Variants in SH3RF3 observed in about 807,000 individuals in gnomAD.
SH3RF3 encodes the protein SH3 domain containing ring finger 3.
SH3RF3 carries 29 observed loss-of-function variants against 66.3 expected under a neutral mutation model. That is an observed-to-expected ratio of 0.44 (90% CI 0.33 to 0.60). The LOEUF (loss-of-function observed/expected upper bound fraction) is 0.60, where lower values mean the gene tolerates loss of function less well. Among genes scored for constraint, SH3RF3 ranks in the 20% least tolerant of loss-of-function variants. The probability of loss-of-function intolerance (pLI) is 0.04; values close to 1 mark genes in which losing one functional copy is unlikely to be tolerated. For synonymous variants in SH3RF3, 583 were observed against 532.0 expected, an observed-to-expected ratio of 1.10 and a Z score of -1.32; for missense variants, 1,194 against 1,190.9, an observed-to-expected ratio of 1.00 and a Z score of -0.04.
chr2:109,331,998 C>T (rs770692946), intron 1 of SH3RF3, among the ~76,000 whole-genome samples: 31 of 152,282 alleles, frequency 2.0e-4, no homozygotes, highest in Admixed American at 1.4e-3. Flanking sequence ...GTCGTGGATG[C>T]CGGCTGAGCC....
chr2:109,183,489 G>A (rs919354054), intron 1 of SH3RF3, among the ~76,000 whole-genome samples: 3 of 152,202 alleles, frequency 2.0e-5, no homozygotes, highest in Non-Finnish European at 2.9e-5. Flanking sequence ...CCTGGAGAGG[G>A]AGAGGTTTCA....
intron 3 of SH3RF3, among the ~76,000 whole-genome samples, chr2:109,376,513 G>T (rs1421520269): frequency 6.6e-6 from 1 of 152,156 alleles, no homozygotes; most frequent in Non-Finnish European, 1.5e-5. Context: ...CTCTCCATGG[G>T]GCCAGGATCG....
At chr2:109,473,398 C>G (rs767768383) in intron 8 of SH3RF3, among the ~76,000 whole-genome samples, 1 of 152,118 alleles carries the variant, frequency 6.6e-6, no homozygotes, top group East Asian at 1.9e-4. Flanking sequence ...CCCCCATCAG[C>G]ATTTGGCACC....
chr2:109,234,348 A>G (rs760230868), intron 1 of SH3RF3, among the ~76,000 whole-genome samples: 1 of 152,222 alleles, frequency 6.6e-6, no homozygotes, highest in Non-Finnish European at 1.5e-5. Context: ...TTATTGCAGG[A>G]TTCTTAGTGC....
Position 109,398,830 on chromosome 2 carries a change from A to G in SH3RF3, c.1186A>G (p.Ser396Gly). The change falls in exon 4 of 10, where the codon AGC (serine) becomes GGC (glycine). Residue 396 changes from serine (S) to glycine (G), a missense_variant. Physicochemically the swap from Ser to Gly is moderately conservative, Grantham distance 56 (BLOSUM62 0). Coordinates refer to ENST00000309415, the MANE Select transcript of SH3RF3 (RefSeq NM_001099289.3). Reference sequence around the variant, plus strand: ...GACGCACAGATCCTCCCAGGCTGCCAGCCACAGGCATTCCATGGAAATTAG... The same window carrying G: ...GACGCACAGATCCTCCCAGGCTGCCGGCCACAGGCATTCCATGGAAATTAG... ...SVTHRSSQAA[S>G]HRHSMEISAP... The G allele has an allele frequency of 6.2e-7, 1 of 1,613,964 alleles. No homozygotes were observed. Among genetic ancestry groups the G allele is most frequent in the Non-Finnish European group, 8.5e-7 (1 of 1,179,886 alleles).
chr2:109,412,595 C>G (rs575065718), intron 4 of SH3RF3, among the ~76,000 whole-genome samples: 5 of 152,320 alleles, frequency 3.3e-5, no homozygotes, highest in Admixed American at 3.3e-4. Flanking sequence ...AGGGTCACCC[C>G]TGCCCTTTGT....
intron 1 of SH3RF3, among the ~76,000 whole-genome samples, chr2:109,346,445 C>A (rs975587841): frequency 1.3e-5 from 2 of 152,128 alleles, no homozygotes; most frequent in African/African-American, 4.8e-5. Flanking sequence ...GCATAGGCAG[C>A]CCTGGTGAGA....
chr2:109,326,324 C>T (rs1292012977), intron 1 of SH3RF3, among the ~76,000 whole-genome samples: 1 of 152,062 alleles, frequency 6.6e-6, no homozygotes. Context: ...AGACTATCTA[C>T]TTCACAGTTA....
At chr2:109,315,548 A>C (rs1681857890) in intron 1 of SH3RF3, among the ~76,000 whole-genome samples, 2 of 152,216 alleles carry the variant, frequency 1.3e-5, no homozygotes, top group South Asian at 2.1e-4. Context: ...GGTGTAAGCA[A>C]AGGGGACCAT....
chr2:109,405,339 T>TAATACCCTTCGTCTTCCCC (rs1341699540), intron 4 of SH3RF3, among the ~76,000 whole-genome samples: 3 of 152,128 alleles, frequency 2.0e-5, no homozygotes, highest in Non-Finnish European at 2.9e-5. Flanking sequence ...TCGTCTTCGC[T>TAATACCCTTCGTCTTCCCC]AATACCCTTC....
intron 1 of SH3RF3, among the ~76,000 whole-genome samples, chr2:109,147,064 A>G (rs1677118003): frequency 6.6e-6 from 1 of 151,808 alleles, no homozygotes; most frequent in Admixed American, 6.6e-5. Flanking sequence ...ACAACTGTCC[A>G]AACAAGTTCT....
intron 1 of SH3RF3, among the ~76,000 whole-genome samples, chr2:109,313,282 A>C (rs1250648419): frequency 6.6e-6 from 1 of 152,206 alleles, no homozygotes; most frequent in East Asian, 1.9e-4. Flanking sequence ...CCTTACCCCA[A>C]ACCTGCTGTA....
chr2:109,210,032 C>T (rs971526325), intron 1 of SH3RF3, among the ~76,000 whole-genome samples: 4 of 152,184 alleles, frequency 2.6e-5, no homozygotes, highest in African/African-American at 7.2e-5. Context: ...AATGACTATT[C>T]TAGGGACCGC....
At chr2:109,144,618 C>T (rs1411136022) in intron 1 of SH3RF3, among the ~76,000 whole-genome samples, 1 of 152,206 alleles carries the variant, frequency 6.6e-6, no homozygotes, top group Non-Finnish European at 1.5e-5. Flanking sequence ...AAATGGCAAA[C>T]ATGAGAAACC....
At chr2:109,159,065 C>G (rs529112334) in intron 1 of SH3RF3, among the ~76,000 whole-genome samples, 15 of 152,174 alleles carry the variant, frequency 9.9e-5, no homozygotes, top group Non-Finnish European at 2.2e-4. Flanking sequence ...TGCAGTGAAC[C>G]CAGATCGCAC....
At chr2:109,167,035 C>T (rs1558936462) in intron 1 of SH3RF3, among the ~76,000 whole-genome samples, 4 of 152,218 alleles carry the variant, frequency 2.6e-5, no homozygotes, top group African/African-American at 4.8e-5. Flanking sequence ...CACCACTCAT[C>T]GGTGTCCCGT....
chr2:109,220,682 GT>G (rs2105145384), intron 1 of SH3RF3, among the ~76,000 whole-genome samples: 2 of 152,282 alleles, frequency 1.3e-5, no homozygotes, highest in Admixed American at 1.3e-4. Flanking sequence ...CATGTCATTT[GT>G]TACTAGAGGA....
At chr2:109,441,593 C>A (rs939235012) in intron 7 of SH3RF3, among the ~76,000 whole-genome samples, 2 of 152,194 alleles carry the variant, frequency 1.3e-5, no homozygotes, top group Non-Finnish European at 2.9e-5. Context: ...AATTGGAGGT[C>A]TCCAATGTAG....
chr2:109,219,978 G>A (rs1679194167), intron 1 of SH3RF3, among the ~76,000 whole-genome samples: 1 of 152,160 alleles, frequency 6.6e-6, no homozygotes, highest in South Asian at 2.1e-4. Context: ...AAACAATCTT[G>A]AAAAGGAGGA....
Sources: gnomAD v4.1 joint callset for allele counts (sites outside exome capture counted in the v4.1 genomes callset) on GRCh38, gnomAD v4.1.1 for gene constraint, MANE v1.5 for transcripts, NCBI Gene and HGNC (gene_info 2026-07-23, HGNC 2026-07-21) for gene names.